The following KIAA0513 variants were observed in gnomAD, a reference collection of about 807,000 sequenced individuals.
KIAA0513 encodes the protein KIAA0513.
In KIAA0513, 39 loss-of-function variants were observed where a neutral mutation model predicts 56.5. The observed-to-expected ratio is 0.69, with a 90% CI of 0.53 to 0.90. The LOEUF (loss-of-function observed/expected upper bound fraction) is 0.90, where lower values mean the gene tolerates loss of function less well. Ranked by LOEUF, KIAA0513 falls within the 40% of genes least tolerant of loss-of-function variation. The probability of loss-of-function intolerance (pLI) is 0.00; values close to 1 mark genes in which losing one functional copy is unlikely to be tolerated. For missense variants in KIAA0513, 591 were observed against 535.2 expected (o/e 1.10, Z -1.03); for synonymous variants, 268 against 215.6 (o/e 1.24, Z -2.13).
intron 1 of KIAA0513, among the ~76,000 whole-genome samples, chr16:85,052,194 C>T (rs1366657612): frequency 6.6e-6 from 1 of 152,066 alleles, no homozygotes; most frequent in African/African-American, 2.4e-5. Context: ...GTGGCACACG[C>T]CTGTAGTCCC....
chr16:85,074,560 G>C (rs1337459682), intron 4 of KIAA0513, among the ~76,000 whole-genome samples: 2 of 152,084 alleles, frequency 1.3e-5, no homozygotes, highest in African/African-American at 4.8e-5. Flanking sequence ...GCATATACTG[G>C]AAGAAGACCA....
chr16:85,074,750 G>T (rs537092446), intron 4 of KIAA0513, among the ~76,000 whole-genome samples: 1 of 152,292 alleles, frequency 6.6e-6, no homozygotes, highest in South Asian at 2.1e-4. Context: ...AGGCCCTCCA[G>T]ATTGCCTTTT....
At chr16:85,061,697 G>A (rs2143980643) in intron 1 of KIAA0513, among the ~76,000 whole-genome samples, 1 of 152,190 alleles carries the variant, frequency 6.6e-6, no homozygotes, top group East Asian at 1.9e-4. Flanking sequence ...GGTTGTTCCG[G>A]GATGCTGGGG....
Position 85,081,164 on chromosome 16 carries a change from C to T in KIAA0513, c.903-151C>T, listed in dbSNP as rs1289865894. 4.3e-6 allele frequency: 3 copies of T among 690,902 alleles called. No homozygotes were observed. The highest frequency in any genetic ancestry group is 7.7e-6 in the Non-Finnish European group (3 of 389,298). The allele number at this position is 690,902 out of a possible 1,614,324, so 42.8% of individuals were successfully genotyped here. On this transcript the variant is annotated intron_variant, in intron 8 of 12. Coordinates refer to ENST00000683363, the MANE Select transcript of KIAA0513 (RefSeq NM_001388359.1). The surrounding 1 kb of genome is among the most constrained non-coding windows in gnomAD (Gnocchi z 4.4). The stretch of plus-strand genomic sequence containing the variant: ...CTGTAATTAGATCAAGCCATATGCT[C>T]AGTTTTTCCTTCTCAGCCCTACCTC...
chr16:85,036,150 CTTT>C (rs1173933218), intron 1 of KIAA0513, among the ~76,000 whole-genome samples: 10 of 152,232 alleles, frequency 6.6e-5, no homozygotes, highest in Admixed American at 6.5e-4. Flanking sequence ...TTTCCTCCTT[CTTT>C]GTTTGTTTCT....
intron 1 of KIAA0513, among the ~76,000 whole-genome samples, chr16:85,059,201 A>G (rs1390821387): frequency 6.6e-6 from 1 of 152,224 alleles, no homozygotes; most frequent in African/African-American, 2.4e-5. Context: ...ACATGTAAAC[A>G]TGACCTCATG....
chr16:85,034,227 A>G (rs2073004867), intron 1 of KIAA0513, among the ~76,000 whole-genome samples: 1 of 152,022 alleles, frequency 6.6e-6, no homozygotes, highest in African/African-American at 2.4e-5. Context: ...TAAAAATACA[A>G]AAATTAGCCA....
chr16:85,070,453 G>A (rs2073556397), intron 2 of KIAA0513, among the ~76,000 whole-genome samples: 1 of 152,148 alleles, frequency 6.6e-6, no homozygotes, highest in African/African-American at 2.4e-5. Context: ...CGAGGCAGGT[G>A]TATCACCTAA....
intron 1 of KIAA0513, among the ~76,000 whole-genome samples, chr16:85,034,939 G>C (rs1257018922): frequency 1.3e-5 from 2 of 152,300 alleles, no homozygotes; most frequent in East Asian, 1.9e-4. Context: ...AGAAAGTGCA[G>C]GTCACCTTTG....
At chr16:85,071,705 C>A in intron 2 of KIAA0513, 78 bp from the exon 3 acceptor site, 1 of 1,197,518 alleles carries the variant, frequency 8.4e-7, no homozygotes, top group South Asian at 1.4e-5. Flanking sequence ...GTTCCTTCTC[C>A]TTGCTCTTCC....
At chr16:85,037,502 C>T (rs1200869277) in intron 1 of KIAA0513, among the ~76,000 whole-genome samples, 1 of 152,158 alleles carries the variant, frequency 6.6e-6, no homozygotes, top group African/African-American at 2.4e-5. Flanking sequence ...ATGAGACGAA[C>T]ACAGTGTCCA....
chr16:85,086,862 C>T lies in KIAA0513; in HGVS notation c.1091+138C>T. ...GGTTCATCACACTTGGCCTCCATGC[C>T]AGCTCATAATTAATCCGCCTCCTAC... On this transcript the variant is annotated intron_variant, in intron 11 of 12. Coordinates refer to ENST00000683363, the MANE Select transcript of KIAA0513 (RefSeq NM_001388359.1). 3 of 892,938 alleles carry T rather than the reference C, an allele frequency of 3.4e-6. No individual in the cohort carries two copies. In the South Asian group the frequency reaches 5.0e-5, roughly 15 times the overall value. 55.3% of individuals were successfully genotyped at this position (892,938 alleles called of 1,614,324 possible).
chr16:85,058,712 G>A (rs1410216723), intron 1 of KIAA0513, among the ~76,000 whole-genome samples: 1 of 151,580 alleles, frequency 6.6e-6, no homozygotes, highest in African/African-American at 2.4e-5. Context: ...AGAAAGAAAT[G>A]CTGATTTCAA....
chr16:85,075,179 A>G (rs572613206), intron 4 of KIAA0513, among the ~76,000 whole-genome samples: 26 of 145,204 alleles, frequency 1.8e-4, no homozygotes, highest in Non-Finnish European at 2.6e-4. Context: ...TTACTAGTTT[A>G]GTTGATTAGT....
At chr16:85,067,460 C>T (rs1330173994) in intron 2 of KIAA0513, 60 bp downstream of exon 2, 1 of 1,344,218 alleles carries the variant, frequency 7.4e-7, no homozygotes, top group African/African-American at 1.5e-5. Flanking sequence ...GGGGACTCGC[C>T]TCCTGCTCTC....
At chr16:85,073,638 G>A (rs35627204) in intron 4 of KIAA0513, among the ~76,000 whole-genome samples, 14,706 of 152,282 alleles carry the variant, frequency 0.097, 787 homozygotes, top group African/African-American at 0.15. Context: ...ATGCCTCCAA[G>A]GTGTGAAATG....
Position 85,078,961 on chromosome 16 carries a change from A to G in KIAA0513, c.860A>G (p.Glu287Gly), listed in dbSNP as rs773553072. 12 of 1,613,924 alleles carry G rather than the reference A, an allele frequency of 7.4e-6. No individual in the cohort carries two copies. The highest frequency in any genetic ancestry group is 8.5e-6 in the Non-Finnish European group (10 of 1,180,012). The change falls in exon 8 of 13, where the codon GAG (glutamate) becomes GGG (glycine). Residue 287 changes from glutamate to glycine, a missense_variant. Glu to Gly is a moderately conservative substitution (Grantham distance 98). Coordinates refer to ENST00000683363, the MANE Select transcript of KIAA0513 (RefSeq NM_001388359.1). ...AGCCCCGAGGACGAAAAGAAGGGGG[A>G]GAAGATCTACCTGTACACGCACCTG... ...AYSPEDEKKG[E>G]KIYLYTHLKQ...
chr16:85,046,715 T>C (rs913672834), intron 1 of KIAA0513, among the ~76,000 whole-genome samples: 2 of 152,248 alleles, frequency 1.3e-5, no homozygotes, highest in Non-Finnish European at 2.9e-5. Context: ...ATCTTCATTC[T>C]GCCGTTGAGC....
At chr16:85,057,105 A>AG (rs2073340933) in intron 1 of KIAA0513, among the ~76,000 whole-genome samples, 1 of 152,166 alleles carries the variant, frequency 6.6e-6, no homozygotes, top group Admixed American at 6.5e-5. Flanking sequence ...GCACCTCCAC[A>AG]GAAAGCATGT....
Sources: gnomAD v4.1 joint callset for allele counts (sites outside exome capture counted in the v4.1 genomes callset) on GRCh38, gnomAD v4.1.1 for gene constraint, Gnocchi (gnomAD v3.1) non-coding constraint, MANE v1.5 for transcripts, NCBI Gene and HGNC (gene_info 2026-07-23, HGNC 2026-07-21) for gene names.